SNUPN: variants seen among roughly 807,000 people sequenced by gnomAD.
The protein encoded by SNUPN is snurportin-1.
In SNUPN, 31 loss-of-function variants were observed where a neutral mutation model predicts 39.2. The observed-to-expected ratio is 0.79, with a 90% CI of 0.59 to 1.07. The LOEUF (loss-of-function observed/expected upper bound fraction) is 1.07. SNUPN is among the 50% of genes least tolerant of loss of function. SNUPN has a pLI of 0.00. For missense variants in SNUPN, 382 were observed against 434.2 expected (o/e 0.88, Z 1.07); for synonymous variants, 132 against 159.0 (o/e 0.83, Z 1.28).
At chr15:75,602,923 T>A (rs1434543541) in intron 7 of SNUPN, among the ~76,000 whole-genome samples, 1 of 152,022 alleles carries the variant, frequency 6.6e-6, no homozygotes, top group Non-Finnish European at 1.5e-5. Context: ...TTTGTTTGTA[T>A]TTCTTTTGTA....
chr15:75,605,083 T>A, intron 7 of SNUPN, 67 bp downstream of exon 7: 1 of 945,384 alleles, frequency 1.1e-6, no homozygotes, highest in Non-Finnish European at 1.7e-6. Context: ...AATGATTATA[T>A]TTAGATAACA....
intron 1 of SNUPN, 146 bp from the exon 2 acceptor site, chr15:75,621,202 G>A: frequency 3.0e-6 from 2 of 676,960 alleles, no homozygotes; most frequent in Non-Finnish European, 2.5e-6. Flanking sequence ...GAGACAAAAG[G>A]AAGTTAAAGG....
At position 75,598,626 on chromosome 15, in the gene SNUPN, G is replaced by A. The variant is rs975425258; in HGVS notation, c.815C>T (p.Pro272Leu). The A allele has an allele frequency of 7.4e-6, 12 of 1,613,224 alleles. No homozygotes were observed. The highest frequency in any genetic ancestry group is 1.0e-5 in the Non-Finnish European group (12 of 1,179,186). Residue 272 changes from proline to leucine, a missense_variant, in exon 9 of 9, where the codon CCC (proline) becomes CTC (leucine). Transcript: ENST00000308588. The stretch of plus-strand genomic sequence containing the variant: ...GTAGGGGCGCAGCCAGCCCACCAAG[G>A]GAGTGCTTCCGGGGCTGTAGTGGGT... ...KQTHYSPGST[P>L]LVGWLRPYMV...
intron 2 of SNUPN, 59 bp from the exon 3 acceptor site, chr15:75,617,611 G>T: frequency 6.6e-7 from 1 of 1,524,464 alleles, no homozygotes; most frequent in Non-Finnish European, 8.8e-7. Flanking sequence ...TTTTTAGACA[G>T]GGTCTCGCTC....
intron 3 of SNUPN, among the ~76,000 whole-genome samples, chr15:75,612,494 C>A (rs990883758): frequency 6.6e-6 from 1 of 152,188 alleles, no homozygotes; most frequent in Non-Finnish European, 1.5e-5. Flanking sequence ...AATATGTAAT[C>A]TTCAGGGGGC....
At chr15:75,609,773 A>T (rs1240130907) in intron 4 of SNUPN, 117 bp downstream of exon 4, 6 of 1,130,936 alleles carry the variant, frequency 5.3e-6, no homozygotes, top group African/African-American at 1.5e-5. Context: ...CCTGCAGGAA[A>T]GTGTTTCAAG....
chr15:75,615,234 G>A (rs1176782184), intron 3 of SNUPN, among the ~76,000 whole-genome samples: 1 of 152,104 alleles, frequency 6.6e-6, no homozygotes, highest in Non-Finnish European at 1.5e-5. Context: ...TGTTGGCCAG[G>A]CTGGTCTTGA....
At chr15:75,625,437 G>A (rs1224579199) in intron 1 of SNUPN, 1 of 151,900 alleles carries the variant, frequency 6.6e-6, no homozygotes, top group Non-Finnish European at 1.5e-5. Flanking sequence ...GGGTCATCTA[G>A]GCCATGCATG....
At chr15:75,619,022 TAAA>T (rs35749195) in intron 2 of SNUPN, among the ~76,000 whole-genome samples, 27,042 of 72,578 alleles carry the variant, frequency 0.37, 4,385 homozygotes, top group African/African-American at 0.44. Context: ...CTACTTGTGT[TAAA>T]AAAAAAAAAA....
intron 3 of SNUPN, among the ~76,000 whole-genome samples, chr15:75,613,189 G>A (rs892794554): frequency 6.0e-5 from 9 of 148,958 alleles, no homozygotes; most frequent in East Asian, 2.0e-4. Flanking sequence ...AACCCGGGAG[G>A]CGGAGCTTGT....
intron 1 of SNUPN, 62 bp from the exon 2 acceptor site, chr15:75,621,118 G>C: frequency 6.7e-7 from 1 of 1,498,280 alleles, no homozygotes. Flanking sequence ...TATACAGACA[G>C]TTATGCAGTT....
chr15:75,604,829 C>T (rs989842543), intron 7 of SNUPN, among the ~76,000 whole-genome samples: 1 of 151,758 alleles, frequency 6.6e-6, no homozygotes, highest in African/African-American at 2.4e-5. Flanking sequence ...TTTGGTGCAC[C>T]CACCACCCAA....
rs368524434 is a variant in SNUPN, at chr15:75,604,701, C to T, written c.678+449G>A. ...ATCTAAGGGTAAGTGAGATTATTAACTTAACTTAGTAATAAATTTTTTTTA... is the reference window on the plus strand; with the variant it reads ...ATCTAAGGGTAAGTGAGATTATTAATTTAACTTAGTAATAAATTTTTTTTA... On this transcript the variant is annotated intron_variant, in intron 7 of 8. Coordinates refer to ENST00000308588, the MANE Select transcript of SNUPN (RefSeq NM_005701.4). Among the ~76,000 whole-genome samples the T allele has an allele frequency of 1.4e-4, 22 of 152,254 alleles. No individual in the cohort carries two copies. The East Asian group carries it at 3.9e-3, about 27-fold the overall frequency.
At chr15:75,618,207 A>G (rs893665822) in intron 2 of SNUPN, among the ~76,000 whole-genome samples, 1 of 152,152 alleles carries the variant, frequency 6.6e-6, no homozygotes, top group Non-Finnish European at 1.5e-5. Context: ...CCTAGCAGAC[A>G]TCTCATCCAA....
intron 6 of SNUPN, 120 bp downstream of exon 6, chr15:75,607,096 G>T: frequency 1.3e-6 from 1 of 750,324 alleles, no homozygotes; most frequent in South Asian, 1.4e-5. Context: ...TAATGTTCTT[G>T]ATATACCACA....
Position 75,617,426 on chromosome 15 carries a change from T to G in SNUPN, c.285A>C (p.Pro95=), listed in dbSNP as rs11547315. The part of the protein sequence containing the change: ...EMDIDTVKKL[P]KHYANQLMLS... ...CACTTACTTGATTAGCATAGTGTTT[T>G]GGTAACTTCTTGACAGTGTCAATGT... The change falls in exon 3 of 9, where the codon CCA becomes CCC. Residue 95 remains proline (P), a synonymous_variant. Coordinates refer to ENST00000308588, the MANE Select transcript of SNUPN (RefSeq NM_005701.4). 25 of 1,613,938 alleles carry G rather than the reference T, an allele frequency of 1.5e-5. No individual in the cohort carries two copies. The highest frequency in any genetic ancestry group is 2.1e-5 in the Non-Finnish European group (25 of 1,180,002).
intron 3 of SNUPN, among the ~76,000 whole-genome samples, chr15:75,614,587 A>T (rs562731926): frequency 6.6e-6 from 1 of 152,314 alleles, no homozygotes; most frequent in Non-Finnish European, 1.5e-5. Context: ...AAAGTAGATT[A>T]ATGATTAGGG....
chr15:75,609,915 T>C lies in SNUPN; in HGVS notation c.383A>G (p.Lys128Arg). Residue 128 changes from lysine to arginine, a missense_variant, in exon 4 of 9, where the codon AAA becomes AGA. Transcript: ENST00000308588. Reference sequence around the variant, plus strand: ...CCTGGAGGCCACGATAAGGGCTCTTTTTCCAACAGGGCACACGACCACAAT... The same window carrying C: ...CCTGGAGGCCACGATAAGGGCTCTTCTTCCAACAGGGCACACGACCACAAT... Reference protein sequence around the residue: ...EWIVVVCPVGKRALIVASRGS... With the variant: ...EWIVVVCPVGRRALIVASRGS... 6.2e-7 allele frequency: 1 copy of C among 1,614,110 alleles called. No homozygotes were observed. The highest frequency in any genetic ancestry group is 8.5e-7 in the Non-Finnish European group (1 of 1,180,018).
intron 1 of SNUPN, among the ~76,000 whole-genome samples, chr15:75,624,423 T>C (rs1325543597): frequency 1.4e-5 from 2 of 144,822 alleles, no homozygotes; most frequent in Non-Finnish European, 3.0e-5. Context: ...CTTTGGGAGG[T>C]TGAAGCGGGC....
Sources: gnomAD v4.1 joint callset for allele counts (sites outside exome capture counted in the v4.1 genomes callset) on GRCh38, gnomAD v4.1.1 for gene constraint, MANE v1.5 for transcripts, NCBI Gene and HGNC (gene_info 2026-07-23, HGNC 2026-07-21) for gene names.